The following USP12 variants were observed in gnomAD, a reference collection of about 807,000 sequenced individuals.
USP12 encodes the protein ubiquitin specific peptidase 12.
Under a neutral mutation model 45.5 loss-of-function variants are expected in USP12, and 19 were observed. That is an observed-to-expected ratio of 0.42 (90% CI 0.29 to 0.61). The LOEUF (loss-of-function observed/expected upper bound fraction) is 0.61. Among genes scored for constraint, USP12 ranks in the 20% least tolerant of loss-of-function variants. The pLI is 0.22. For missense variants in USP12, 242 were observed against 447.7 expected, an observed-to-expected ratio of 0.54 and a Z score of 4.15; for synonymous variants, 149 against 148.8, an observed-to-expected ratio of 1.00 and a Z score of -0.01.
intron 8 of USP12, among the ~76,000 whole-genome samples, chr13:27,070,828 C>T (rs1873216620): frequency 2.0e-5 from 3 of 152,346 alleles, no homozygotes; most frequent in East Asian, 1.9e-4. Context: ...GCTGGGATTA[C>T]AGGCGTGAGC....
At chr13:27,121,840 G>A (rs918215608) in intron 1 of USP12, among the ~76,000 whole-genome samples, 1 of 151,728 alleles carries the variant, frequency 6.6e-6, no homozygotes, top group Admixed American at 6.6e-5. Flanking sequence ...CAGCCTGGGA[G>A]ACAGAGCGAG....
intron 1 of USP12, among the ~76,000 whole-genome samples, chr13:27,132,973 C>T (rs536130068): frequency 6.6e-6 from 1 of 152,338 alleles, no homozygotes; most frequent in South Asian, 2.1e-4. Context: ...GGCAACACAG[C>T]CATGCTCCTA....
chr13:27,110,855 T>G (rs1009251645), intron 2 of USP12, among the ~76,000 whole-genome samples: 3 of 152,146 alleles, frequency 2.0e-5, no homozygotes, highest in Non-Finnish European at 4.4e-5. Context: ...TCTCCATATT[T>G]TGGAATAGGC....
chr13:27,090,227 T>C, intron 4 of USP12, 69 bp from the exon 5 acceptor site: 1 of 1,230,322 alleles, frequency 8.1e-7, no homozygotes, highest in Non-Finnish European at 1.2e-6. Context: ...ATTAACAGAA[T>C]TAAATGCCAT....
At chr13:27,149,174 C>A (rs912560467) in intron 1 of USP12, among the ~76,000 whole-genome samples, 2 of 152,054 alleles carry the variant, frequency 1.3e-5, no homozygotes, top group African/African-American at 4.8e-5. Flanking sequence ...CAGAGCAATA[C>A]CCTGTCTTAA....
At chr13:27,131,560 T>G (rs9512551) in intron 1 of USP12, among the ~76,000 whole-genome samples, 42,930 of 152,178 alleles carry the variant, frequency 0.28, 6,617 homozygotes, top group Non-Finnish European at 0.35. Flanking sequence ...TCAAGTACAC[T>G]TGGTTTTGAA....
chr13:27,106,293 C>T (rs2137786963), intron 2 of USP12, among the ~76,000 whole-genome samples: 1 of 151,000 alleles, frequency 6.6e-6, no homozygotes, highest in Middle Eastern at 3.4e-3. Flanking sequence ...ATTGGAAAGA[C>T]ATCAAATCCT....
At chr13:27,073,737 C>T (rs1873348024) in intron 7 of USP12, among the ~76,000 whole-genome samples, 1 of 152,174 alleles carries the variant, frequency 6.6e-6, no homozygotes, top group Admixed American at 6.5e-5. Flanking sequence ...GTAGCAGTAG[C>T]TAAGCGATTT....
chr13:27,080,748 G>A (rs991099552), intron 6 of USP12, among the ~76,000 whole-genome samples: 1 of 152,256 alleles, frequency 6.6e-6, no homozygotes. Context: ...AGTGAAGACC[G>A]CAATAAAGCA....
chr13:27,136,349 T>C (rs1274737899), intron 1 of USP12, among the ~76,000 whole-genome samples: 2 of 151,946 alleles, frequency 1.3e-5, no homozygotes, highest in Admixed American at 6.6e-5. Context: ...AATACAAAAA[T>C]CAGCCGGGCA....
chr13:27,156,752 G>A (rs898020881), intron 1 of USP12, among the ~76,000 whole-genome samples: 3 of 152,168 alleles, frequency 2.0e-5, no homozygotes, highest in African/African-American at 7.2e-5. Context: ...AACCTGGGAG[G>A]TGGAGGTTGC....
At chr13:27,100,222 C>G (rs147587567) in intron 3 of USP12, among the ~76,000 whole-genome samples, 17 of 152,326 alleles carry the variant, frequency 1.1e-4, no homozygotes, top group African/African-American at 3.8e-4. Context: ...AATCCTCCGT[C>G]CCTGAAAATA....
At chr13:27,158,551 G>A (rs1410435251) in intron 1 of USP12, among the ~76,000 whole-genome samples, 1 of 152,192 alleles carries the variant, frequency 6.6e-6, no homozygotes, top group Non-Finnish European at 1.5e-5. Context: ...AGGCTATGTG[G>A]TCTAGCCTCT....
At position 27,138,855 on chromosome 13, in the gene USP12, A is replaced by G. The variant is rs141372386; in HGVS notation, c.49-22259T>C. The stretch of plus-strand genomic sequence containing the variant: ...TCCAGGATACAACAGAGAAACCCAT[A>G]TTCACCCTGTAACAGAGTGACCATA... On this transcript the variant is annotated intron_variant, in intron 1 of 8. Transcript: ENST00000282344. Among the ~76,000 whole-genome samples, 3 of 152,298 alleles carry G rather than the reference A, an allele frequency of 2.0e-5. No individual in the cohort carries two copies. In the East Asian group the frequency reaches 5.8e-4, roughly 29 times the overall value.
intron 6 of USP12, among the ~76,000 whole-genome samples, chr13:27,088,062 A>G (rs1342086927): frequency 6.6e-6 from 1 of 152,262 alleles, no homozygotes; most frequent in Non-Finnish European, 1.5e-5. Flanking sequence ...AATGTTCAAT[A>G]ACAGCCAAGA....
rs772328534 is a variant in USP12, at chr13:27,095,741, TTCTC to T, written c.429_432del (p.Arg144SerfsTer36). On this transcript the variant is annotated frameshift_variant, in exon 4 of 9. Transcript: ENST00000282344. LOFTEE classifies it high-confidence loss of function. ...AAACGACCATTTTGTTTTTCCTGCT[TTCTC>T]TCTTCTTGTAAAATATCAGCAATTG... 1 of 1,613,198 alleles carries T rather than the reference TTCTC, an allele frequency of 6.2e-7. No individual in the cohort carries two copies. Among genetic ancestry groups the T allele is most frequent in the Non-Finnish European group, 8.5e-7 (1 of 1,179,600 alleles).
intron 7 of USP12, among the ~76,000 whole-genome samples, chr13:27,071,549 C>T (rs1478441028): frequency 6.6e-6 from 1 of 152,132 alleles, no homozygotes; most frequent in Non-Finnish European, 1.5e-5. Flanking sequence ...ATTTCTAAGT[C>T]TCACTCCCTT....
chr13:27,148,795 T>TACACAC (rs58820564), intron 1 of USP12, among the ~76,000 whole-genome samples: 13,965 of 141,754 alleles, frequency 0.099, 1,645 homozygotes, highest in East Asian at 0.5. Flanking sequence ...ATCATCTTAA[T>TACACAC]ACACACACAC....
chr13:27,103,607 A>AAAAAAAATAATAAT (rs372985958), intron 3 of USP12, among the ~76,000 whole-genome samples: 52 of 128,508 alleles, frequency 4.0e-4, no homozygotes, highest in African/African-American at 1.5e-3. Context: ...TCAAAAAAAA[A>AAAAAAAATAATAAT]AATAATAATA....
Sources: gnomAD v4.1 joint callset for allele counts (sites outside exome capture counted in the v4.1 genomes callset) on GRCh38, gnomAD v4.1.1 for gene constraint, MANE v1.5 for transcripts, NCBI Gene and HGNC (gene_info 2026-07-23, HGNC 2026-07-21) for gene names.